LRP1B: variants seen among roughly 807,000 people sequenced by gnomAD.
The protein encoded by LRP1B is LDL receptor related protein 1B.
LRP1B carries 217 observed loss-of-function variants against 556.6 expected under a neutral mutation model. That is an observed-to-expected ratio of 0.39 (90% confidence interval 0.35 to 0.44). The LOEUF is 0.44. LRP1B is among the 20% of genes least tolerant of loss of function. The pLI is 1.00. For missense variants in LRP1B, 5,053 were observed against 5,620.8 expected, an observed-to-expected ratio of 0.90 and a Z score of 3.23; for synonymous variants, 2,047 against 1,865.8, an observed-to-expected ratio of 1.10 and a Z score of -2.50.
chr2:140,403,234 C>A (rs1684585056), intron 66 of LRP1B, among the ~76,000 whole-genome samples: 1 of 152,092 alleles, frequency 6.6e-6, no homozygotes, highest in Non-Finnish European at 1.5e-5. Context: ...ACAAGGTTCT[C>A]TAACACACGA....
At chr2:141,697,426 A>T (rs1267822957) in intron 2 of LRP1B, among the ~76,000 whole-genome samples, 1 of 152,022 alleles carries the variant, frequency 6.6e-6, no homozygotes, top group Non-Finnish European at 1.5e-5. Flanking sequence ...GTCCTGAAAG[A>T]GGCAGTAAAT....
At chr2:141,201,543 A>G (rs1682017975) in intron 6 of LRP1B, among the ~76,000 whole-genome samples, 1 of 151,888 alleles carries the variant, frequency 6.6e-6, no homozygotes, top group South Asian at 2.1e-4. Context: ...AGATTACTTT[A>G]GATTACGTTT....
At chr2:141,517,279 C>CACACATACACACACACACACATACACAG (rs1684360122) in intron 2 of LRP1B, among the ~76,000 whole-genome samples, 1 of 151,356 alleles carries the variant, frequency 6.6e-6, no homozygotes, top group Non-Finnish European at 1.5e-5. Flanking sequence ...CACAGACACA[C>CACACATACACACACACACACATACACAG]ACACACACAC....
intron 11 of LRP1B, among the ~76,000 whole-genome samples, chr2:141,029,371 T>G (rs942363719): frequency 6.6e-6 from 1 of 152,130 alleles, no homozygotes; most frequent in Non-Finnish European, 1.5e-5. Flanking sequence ...CAGTCCCCTG[T>G]GGGCCTTGAG....
intron 41 of LRP1B, among the ~76,000 whole-genome samples, chr2:140,671,333 A>C (rs562446246): frequency 6.6e-6 from 1 of 152,208 alleles, no homozygotes; most frequent in South Asian, 2.1e-4. Context: ...ATCCTGGCTA[A>C]CACGGTGAAA....
chr2:140,902,434 A>C lies in LRP1B; in HGVS notation c.3766+486T>G, dbSNP rs16844928. Among the ~76,000 whole-genome samples, 1,113 of 152,180 alleles carry C rather than the reference A, an allele frequency of 7.3e-3. 38 individuals carry two copies. Among genetic ancestry groups the C allele is most frequent in the East Asian group, 0.065 (334 of 5,172 alleles). On this transcript the variant is annotated intron_variant, in intron 23 of 90. Coordinates refer to ENST00000389484, the MANE Select transcript of LRP1B (RefSeq NM_018557.3). ...GAATGAATGTAAGTTACACAATTAG[A>C]GTTGAAATATCATAATCTAAAGCCC...
chr2:140,794,340 T>C (rs1690223803), intron 32 of LRP1B, among the ~76,000 whole-genome samples: 1 of 152,124 alleles, frequency 6.6e-6, no homozygotes, highest in Non-Finnish European at 1.5e-5. Context: ...CAAGTATTCT[T>C]CAACTTTCAC....
intron 49 of LRP1B, among the ~76,000 whole-genome samples, chr2:140,521,621 A>G (rs1385776): frequency 0.22 from 33,206 of 151,936 alleles, 4,501 homozygotes; most frequent in East Asian, 0.59. Flanking sequence ...CAAAGCAACT[A>G]CACAAATGAC....
intron 2 of LRP1B, among the ~76,000 whole-genome samples, chr2:141,553,588 G>T (rs2105233651): frequency 6.7e-6 from 1 of 149,124 alleles, no homozygotes; most frequent in African/African-American, 2.5e-5. Context: ...TTTGGAGCAG[G>T]TTACTATGTT....
intron 43 of LRP1B, among the ~76,000 whole-genome samples, chr2:140,542,225 T>C (rs780959279): frequency 1.1e-4 from 17 of 152,144 alleles, no homozygotes; most frequent in Non-Finnish European, 2.1e-4. Flanking sequence ...AATTATTCAA[T>C]GTGTATAACA....
intron 43 of LRP1B, among the ~76,000 whole-genome samples, chr2:140,565,354 A>C (rs1480643128): frequency 6.6e-6 from 1 of 151,866 alleles, no homozygotes; most frequent in Non-Finnish European, 1.5e-5. Flanking sequence ...TGTAATAATA[A>C]AATGTTTGAA....
At chr2:141,364,099 T>C (rs1392406706) in intron 3 of LRP1B, among the ~76,000 whole-genome samples, 1 of 152,186 alleles carries the variant, frequency 6.6e-6, no homozygotes, top group Non-Finnish European at 1.5e-5. Context: ...CTCTTCTGTA[T>C]GTTATAATCA....
chr2:142,034,620 T>C (rs1703815047), intron 1 of LRP1B, among the ~76,000 whole-genome samples: 1 of 151,794 alleles, frequency 6.6e-6, no homozygotes, highest in Non-Finnish European at 1.5e-5. Context: ...ACTCAAGTGA[T>C]TATTGCTTTT....
chr2:140,573,271 C>A (rs189316666), intron 43 of LRP1B, among the ~76,000 whole-genome samples: 9 of 151,572 alleles, frequency 5.9e-5, no homozygotes, highest in Non-Finnish European at 1.2e-4. Context: ...TATTAGCTGT[C>A]AATTAAAATA....
At chr2:140,825,760 T>C (rs1691481384) in intron 31 of LRP1B, among the ~76,000 whole-genome samples, 1 of 152,118 alleles carries the variant, frequency 6.6e-6, no homozygotes, top group African/African-American at 2.4e-5. Context: ...ATTATGGAAA[T>C]CAACATTTGA....
intron 25 of LRP1B, among the ~76,000 whole-genome samples, chr2:140,873,771 CA>C (rs1258673408): frequency 6.6e-6 from 1 of 151,396 alleles, no homozygotes; most frequent in Non-Finnish European, 1.5e-5. Flanking sequence ...AGGTATTTTT[CA>C]ATAAAAGTAT....
intron 87 of LRP1B, among the ~76,000 whole-genome samples, chr2:140,240,434 T>A (rs188844148): frequency 1.3e-5 from 2 of 150,710 alleles, no homozygotes; most frequent in African/African-American, 4.8e-5. Flanking sequence ...TATACTAGAT[T>A]AGCAATAGGG....
chr2:141,490,164 TTTTG>T (rs767673599), intron 2 of LRP1B, among the ~76,000 whole-genome samples: 3 of 152,134 alleles, frequency 2.0e-5, no homozygotes, highest in Non-Finnish European at 4.4e-5. Context: ...GTTTAGGAAA[TTTTG>T]TTTGCATCTA....
intron 3 of LRP1B, among the ~76,000 whole-genome samples, chr2:141,275,430 C>T (rs961176238): frequency 3.3e-5 from 5 of 152,078 alleles, no homozygotes; most frequent in East Asian, 1.9e-4. Context: ...CAGTAATGGT[C>T]GGGTGTGGTG....
Sources: allele counts gnomAD v4.1 joint callset (sites outside exome capture counted in the v4.1 genomes callset), GRCh38; gene constraint gnomAD v4.1.1; transcripts MANE v1.5; gene names NCBI Gene and HGNC (gene_info 2026-07-23, HGNC 2026-07-21).